MYO1D: variants seen among roughly 807,000 people sequenced by gnomAD.
The protein encoded by MYO1D is unconventional myosin-Id.
A neutral mutation model predicts 122.0 loss-of-function variants in MYO1D; 83 were observed. The observed-to-expected ratio is 0.68, with a 90% CI of 0.57 to 0.82. The LOEUF (loss-of-function observed/expected upper bound fraction) is 0.82. MYO1D is among the 40% of genes least tolerant of loss of function. The probability of loss-of-function intolerance (pLI) is 0.00; values close to 1 mark genes in which losing one functional copy is unlikely to be tolerated. For synonymous variants in MYO1D, 464 were observed against 446.9 expected (o/e 1.04, Z -0.48); for missense variants, 1,157 against 1,269.5 (o/e 0.91, Z 1.35).
intron 21 of MYO1D, among the ~76,000 whole-genome samples, chr17:32,603,675 G>A (rs1246075068): frequency 6.6e-6 from 1 of 151,568 alleles, no homozygotes; most frequent in Non-Finnish European, 1.5e-5. Context: ...ACAGGTGCCC[G>A]CCACCAAGCC....
intron 1 of MYO1D, among the ~76,000 whole-genome samples, chr17:32,840,965 T>C (rs927827072): frequency 5.3e-5 from 8 of 152,216 alleles, no homozygotes; most frequent in African/African-American, 1.9e-4. Flanking sequence ...ATTTTCAGAA[T>C]GGTATTCGAT....
At chr17:32,626,497 G>T (rs985581861) in intron 20 of MYO1D, among the ~76,000 whole-genome samples, 1 of 152,110 alleles carries the variant, frequency 6.6e-6, no homozygotes, top group African/African-American at 2.4e-5. Context: ...GCTTTCAGAC[G>T]TTGCTTTGAG....
chr17:32,513,771 TG>T (rs1313605967), intron 21 of MYO1D, among the ~76,000 whole-genome samples: 2 of 152,074 alleles, frequency 1.3e-5, no homozygotes. Context: ...CCCGCACAGC[TG>T]TGTCTCAGCA....
chr17:32,664,484 G>A (rs1597985305), intron 16 of MYO1D, among the ~76,000 whole-genome samples: 1 of 152,206 alleles, frequency 6.6e-6, no homozygotes, highest in African/African-American at 2.4e-5. Flanking sequence ...TGGCTGAGAG[G>A]TTCAACAAAC....
chr17:32,746,352 A>T (rs1043062827), intron 12 of MYO1D, among the ~76,000 whole-genome samples: 4 of 152,204 alleles, frequency 2.6e-5, no homozygotes, highest in Non-Finnish European at 5.9e-5. Flanking sequence ...AGATGGACCT[A>T]GTTGCTATTT....
At chr17:32,623,981 C>T (rs2150927618) in intron 20 of MYO1D, among the ~76,000 whole-genome samples, 2 of 152,268 alleles carry the variant, frequency 1.3e-5, no homozygotes, top group East Asian at 3.9e-4. Flanking sequence ...GGGGGAACAC[C>T]TTCAGACCTT....
At chr17:32,651,383 A>C (rs1234469037) in intron 19 of MYO1D, among the ~76,000 whole-genome samples, 1 of 152,082 alleles carries the variant, frequency 6.6e-6, no homozygotes, top group East Asian at 1.9e-4. Flanking sequence ...CTCTCTGTGC[A>C]ACTCTCTCCT....
chr17:32,719,655 C>T (rs1306209731), intron 15 of MYO1D, among the ~76,000 whole-genome samples: 1 of 152,116 alleles, frequency 6.6e-6, no homozygotes, highest in Non-Finnish European at 1.5e-5. Flanking sequence ...TGGCCAACAT[C>T]TCCTTGCCTT....
At chr17:32,767,043 T>C (rs191646652) in intron 7 of MYO1D, among the ~76,000 whole-genome samples, 8 of 152,376 alleles carry the variant, frequency 5.3e-5, no homozygotes, top group Admixed American at 1.3e-4. Context: ...TGAATCCATG[T>C]TGTCATTCTT....
At chr17:32,596,418 G>A (rs530090999) in intron 21 of MYO1D, among the ~76,000 whole-genome samples, 3 of 152,268 alleles carry the variant, frequency 2.0e-5, no homozygotes, top group East Asian at 3.9e-4. Context: ...CCCATCCTCT[G>A]CCTCCTTCAC....
At chr17:32,857,295 G>C (rs938374998) in intron 1 of MYO1D, among the ~76,000 whole-genome samples, 1 of 152,066 alleles carries the variant, frequency 6.6e-6, no homozygotes, top group Non-Finnish European at 1.5e-5. Context: ...AATCCTTTAA[G>C]AATCCTTTGG....
chr17:32,790,317 A>G (rs1422651363), intron 1 of MYO1D, among the ~76,000 whole-genome samples: 2 of 152,198 alleles, frequency 1.3e-5, no homozygotes, highest in African/African-American at 4.8e-5. Context: ...ATCTCATGCC[A>G]TCTACCTCTG....
chr17:32,584,815 C>T (rs1406232180), intron 21 of MYO1D, among the ~76,000 whole-genome samples: 1 of 152,102 alleles, frequency 6.6e-6, no homozygotes, highest in Non-Finnish European at 1.5e-5. Context: ...AAAAGAAATA[C>T]ATATTTTAAA....
At chr17:32,751,980 C>T (rs7214433) in intron 11 of MYO1D, among the ~76,000 whole-genome samples, 5,842 of 152,050 alleles carry the variant, frequency 0.038, 368 homozygotes, top group African/African-American at 0.13. Flanking sequence ...CAATTCTAAG[C>T]AAAAAGAACA....
At chr17:32,519,873 TGTGG>T (rs1910056863) in intron 21 of MYO1D, among the ~76,000 whole-genome samples, 1 of 148,320 alleles carries the variant, frequency 6.7e-6, no homozygotes, top group Non-Finnish European at 1.5e-5. Context: ...ACAATGGAGA[TGTGG>T]GTAAACAGCA....
intron 11 of MYO1D, 91 bp from the exon 12 acceptor site, chr17:32,749,097 C>A: frequency 8.6e-7 from 1 of 1,159,300 alleles, no homozygotes; most frequent in Non-Finnish European, 1.3e-6. Context: ...ATGATAATAT[C>A]ACAAATTATG....
chr17:32,632,883 G>A (rs321185), intron 20 of MYO1D, among the ~76,000 whole-genome samples: 21,676 of 151,994 alleles, frequency 0.14, 1,846 homozygotes, highest in East Asian at 0.31. Context: ...CAGAGAATCC[G>A]GAAGAGGTGT....
chr17:32,830,026 G>A (rs1376937954), intron 1 of MYO1D, among the ~76,000 whole-genome samples: 2 of 152,162 alleles, frequency 1.3e-5, no homozygotes, highest in Admixed American at 1.3e-4. Context: ...GAAAAGGCAT[G>A]AGACAGTCTT....
chr17:32,738,310 A>T lies in MYO1D; in HGVS notation c.1689T>A (p.Thr563=), dbSNP rs1236743457. 1.2e-6 allele frequency: 2 copies of T among 1,610,748 alleles called. No homozygotes were observed. Among genetic ancestry groups the T allele is most frequent in the South Asian group, 2.2e-5 (2 of 89,958 alleles). The change falls in exon 14 of 22, where the codon ACT becomes ACA. Residue 563 remains threonine, a synonymous_variant. Transcript: ENST00000318217. ...TAGAATTCTTAAACAAGGTAGCAGC[A>T]GTCAGAGGTCGCTTGGTCACCTCTG... is the stretch of plus-strand genomic sequence containing the variant. ...SITEVTKRPL[T]AATLFKNSMI...
Sources: allele counts gnomAD v4.1 joint callset (sites outside exome capture counted in the v4.1 genomes callset), GRCh38; gene constraint gnomAD v4.1.1; transcripts MANE v1.5; gene names NCBI Gene and HGNC (gene_info 2026-07-23, HGNC 2026-07-21).